Variants in WFDC11 observed in about 807,000 individuals in gnomAD.
WFDC11 encodes protein WFDC11.
A neutral mutation model predicts 9.9 loss-of-function variants in WFDC11; 9 were observed. The ratio of observed to expected loss-of-function variants is 0.91; its 90% confidence interval spans 0.55 to 1.58. The LOEUF (loss-of-function observed/expected upper bound fraction) is 1.58. WFDC11 is among the 40% of genes most tolerant of loss of function. The pLI is 0.00. For synonymous variants in WFDC11, 32 were observed against 33.3 expected (o/e 0.96, Z 0.13); for missense variants, 106 against 101.7 (o/e 1.04, Z -0.18).
chr20:45,662,004 T>C (rs1049890179), intron 2 of WFDC11, among the ~76,000 whole-genome samples: 2 of 152,236 alleles, frequency 1.3e-5, no homozygotes, highest in East Asian at 1.9e-4. Flanking sequence ...TAAATTACCT[T>C]GGACAGTATG....
At chr20:45,656,631 C>T (rs1344622927) in intron 2 of WFDC11, among the ~76,000 whole-genome samples, 2 of 151,710 alleles carry the variant, frequency 1.3e-5, no homozygotes, top group Non-Finnish European at 2.9e-5. Context: ...AAGGAAACTA[C>T]CATCAGAGTG....
At chr20:45,648,909 G>A (rs1220860007) in intron 4 of WFDC11, among the ~76,000 whole-genome samples, 170 bp from the exon 5 acceptor site, 2 of 152,204 alleles carry the variant, frequency 1.3e-5, no homozygotes, top group African/African-American at 4.8e-5. Context: ...ACAAAAAAAG[G>A]TGGAGACTTT....
chr20:45,659,522 G>A (rs951131964), intron 2 of WFDC11, among the ~76,000 whole-genome samples: 1 of 152,198 alleles, frequency 6.6e-6, no homozygotes, highest in African/African-American at 2.4e-5. Context: ...TCTGAGAAGT[G>A]TCTGTTCATA....
intron 2 of WFDC11, among the ~76,000 whole-genome samples, chr20:45,653,536 T>G (rs997854707): frequency 2.7e-5 from 4 of 149,440 alleles, no homozygotes; most frequent in African/African-American, 9.9e-5. Context: ...ACAAGCAAAA[T>G]AACAGCTAAC....
chr20:45,649,930 C>T (rs1475039553), intron 3 of WFDC11, among the ~76,000 whole-genome samples: 2 of 152,072 alleles, frequency 1.3e-5, no homozygotes, highest in Non-Finnish European at 1.5e-5. Context: ...TTCTTAGCCC[C>T]TCTATTCACC....
At chr20:45,664,463 G>T (rs1362778506) in intron 2 of WFDC11, among the ~76,000 whole-genome samples, 1 of 152,182 alleles carries the variant, frequency 6.6e-6, no homozygotes, top group Non-Finnish European at 1.5e-5. Context: ...CTGTCATTAT[G>T]ATGTTAGCTG....
At position 45,658,296 on chromosome 20, in the gene WFDC11, T is replaced by C. The variant is rs567991767; in HGVS notation, c.-51-7645A>G. Among the ~76,000 whole-genome samples the C allele has an allele frequency of 2.0e-5, 3 of 152,326 alleles. No individual in the cohort carries two copies. In the South Asian group the frequency reaches 6.2e-4, roughly 32 times the overall value. On this transcript the variant is annotated intron_variant, in intron 2 of 4. Transcript: ENST00000324384. ...ATACAGTATTGCTAACTAAGGGCAC[T>C]ATGCTATACAACAAGTCTCTGAGAT...
chr20:45,657,346 C>T (rs953268276), intron 2 of WFDC11, among the ~76,000 whole-genome samples: 3 of 148,916 alleles, frequency 2.0e-5, no homozygotes, highest in African/African-American at 7.5e-5. Context: ...AAAAACCAAA[C>T]ACTGCGTGTT....
intron 2 of WFDC11, among the ~76,000 whole-genome samples, chr20:45,655,341 A>G (rs905574801): frequency 1.3e-5 from 2 of 152,252 alleles, no homozygotes; most frequent in African/African-American, 4.8e-5. Flanking sequence ...CCATATGATT[A>G]TCTCAATGGA....
chr20:45,663,099 C>A (rs74782104), intron 2 of WFDC11, among the ~76,000 whole-genome samples: 3,841 of 152,212 alleles, frequency 0.025, 138 homozygotes, highest in African/African-American at 0.083. Flanking sequence ...AATTTCAAAG[C>A]CTGTTATTAG....
At chr20:45,657,314 T>C (rs1982955119) in intron 2 of WFDC11, among the ~76,000 whole-genome samples, 1 of 151,688 alleles carries the variant, frequency 6.6e-6, no homozygotes, top group Non-Finnish European at 1.5e-5. Context: ...ACCATCATTC[T>C]CAGCAAACTA....
intron 2 of WFDC11, among the ~76,000 whole-genome samples, chr20:45,656,333 G>C (rs1294165148): frequency 1.3e-5 from 2 of 152,108 alleles, no homozygotes; most frequent in East Asian, 3.8e-4. Flanking sequence ...CAAGCAATGG[G>C]GAAAGGATTC....
chr20:45,664,324 T>C (rs987336490), intron 2 of WFDC11, among the ~76,000 whole-genome samples: 1 of 152,220 alleles, frequency 6.6e-6, no homozygotes, highest in African/African-American at 2.4e-5. Flanking sequence ...TCTGTGCACA[T>C]GAGATGGGTC....
chr20:45,657,652 A>G (rs1982966439), intron 2 of WFDC11, among the ~76,000 whole-genome samples: 1 of 152,338 alleles, frequency 6.6e-6, no homozygotes, highest in South Asian at 2.1e-4. Flanking sequence ...TAAAGCAGCC[A>G]TGAACAAGTA....
intron 2 of WFDC11, among the ~76,000 whole-genome samples, chr20:45,666,046 C>T (rs1230594290): frequency 6.6e-6 from 1 of 152,190 alleles, no homozygotes; most frequent in Non-Finnish European, 1.5e-5. Flanking sequence ...ACTATAGAGG[C>T]CTAGGCCTTG....
chr20:45,650,571 G>A lies in WFDC11; in HGVS notation c.30C>T (p.Pro10=), dbSNP rs763482730. 6.2e-7 allele frequency: 1 copy of A among 1,614,080 alleles called. No individual in the cohort carries two copies. Among genetic ancestry groups the A allele is most frequent in the Non-Finnish European group, 8.5e-7 (1 of 1,180,000 alleles). MVSLMKLWI[P]MLMTFFCTVL... is the part of the protein sequence containing the mutation. ...CCGTACAGAAGAATGTCATGAGCATGGGTATCCAGAGCTTCATGAGGCTGA... is the reference window on the plus strand; with the variant it reads ...CCGTACAGAAGAATGTCATGAGCATAGGTATCCAGAGCTTCATGAGGCTGA... The change falls in exon 3 of 5, where the codon CCC becomes CCT. Residue 10 remains proline, a synonymous_variant. Transcript: ENST00000324384.
chr20:45,669,488 T>C (rs992847434), intron 1 of WFDC11, among the ~76,000 whole-genome samples: 1 of 152,204 alleles, frequency 6.6e-6, no homozygotes, highest in Non-Finnish European at 1.5e-5. Context: ...CCAAAAATAG[T>C]TTATTGATAG....
At position 45,648,752 on chromosome 20, in the gene WFDC11, A is replaced by G. The variant is rs1202597875; in HGVS notation, c.244-13T>C. On this transcript the variant is annotated splice_polypyrimidine_tract_variant and intron_variant, in intron 4 of 4. Coordinates refer to ENST00000324384, the MANE Select transcript of WFDC11 (RefSeq NM_147197.2). ...CTCCACTGGTTTCCTGTAAAACAAA[A>G]AGGTTAGATTTTTAGAGGCTAGAGA... 7 of 1,613,932 alleles carry G rather than the reference A, an allele frequency of 4.3e-6. No individual in the cohort carries two copies. In the Admixed American group the frequency reaches 1.2e-4, roughly 27 times the overall value.
At chr20:45,670,043 G>A (rs559920126) in intron 1 of WFDC11, 135 bp downstream of exon 1, 1 of 152,112 alleles carries the variant, frequency 6.6e-6, no homozygotes, top group East Asian at 1.9e-4. Context: ...ACACCACTAT[G>A]CACACAAACT....
Sources: gnomAD v4.1 joint callset for allele counts (sites outside exome capture counted in the v4.1 genomes callset) on GRCh38, gnomAD v4.1.1 for gene constraint, MANE v1.5 for transcripts, NCBI Gene and HGNC (gene_info 2026-07-23, HGNC 2026-07-21) for gene names.